The following ANKRD31 variants were observed in gnomAD, a reference collection of about 807,000 sequenced individuals.
ANKRD31 encodes ankyrin repeat domain-containing protein 31.
Under a neutral mutation model 186.0 loss-of-function variants are expected in ANKRD31, and 147 were observed. That is an observed-to-expected ratio of 0.79 (90% CI 0.69 to 0.91). The LOEUF is 0.91. ANKRD31 is among the 40% of genes least tolerant of loss of function. The pLI, the probability that ANKRD31 is intolerant of heterozygous loss-of-function variation, is 0.00. For synonymous variants in ANKRD31, 673 were observed against 736.4 expected (o/e 0.91, Z 1.39); for missense variants, 1,986 against 2,148.8 (o/e 0.92, Z 1.50).
At chr5:75,208,636 C>A (rs1444261629) in intron 4 of ANKRD31, among the ~76,000 whole-genome samples, 5 of 152,326 alleles carry the variant, frequency 3.3e-5, no homozygotes, top group Non-Finnish European at 7.4e-5. Context: ...TATGTCCAGA[C>A]AAATTCTTTA....
At chr5:75,154,674 A>C (rs1249505131) in intron 11 of ANKRD31, among the ~76,000 whole-genome samples, 1 of 152,136 alleles carries the variant, frequency 6.6e-6, no homozygotes, top group Non-Finnish European at 1.5e-5. Flanking sequence ...GGCAGGAGGC[A>C]AGAAAGGCTG....
rs2150143529 is a variant in ANKRD31, at chr5:75,146,077, C to G, written c.3334G>C (p.Asp1112His). Residue 1112 changes from aspartate (D) to histidine (H), a missense_variant, in exon 14 of 26, where the codon GAT becomes CAT. Physicochemically the swap from Asp to His is moderately conservative, Grantham distance 81 (BLOSUM62 -1). Coordinates refer to ENST00000506364, the MANE Select transcript of ANKRD31 (RefSeq NM_001372053.1). ...CTCATATTGTCAGTGGAATGAGAAT[C>G]TATATTGTGTATAGTCTCACTTTCT... ...HLESETIHNI[D>H]SHSTDNMSKE... The G allele has an allele frequency of 1.3e-6, 2 of 1,533,262 alleles. No homozygotes were observed. Among genetic ancestry groups the G allele is most frequent in the East Asian group, 2.4e-5 (1 of 40,834 alleles). 95.0% of individuals were successfully genotyped at this position (1,533,262 alleles called of 1,614,324 possible). A position where few individuals can be genotyped will look rare whatever the true frequency, so the allele number is the denominator to read the frequency against.
chr5:75,182,386 G>C (rs549389368), intron 10 of ANKRD31, among the ~76,000 whole-genome samples: 1 of 152,086 alleles, frequency 6.6e-6, no homozygotes, highest in African/African-American at 2.4e-5. Flanking sequence ...TCCTTGTCTA[G>C]ATTTTGCTCA....
rs1263044112 is a variant in ANKRD31 at position 75,068,592 on chromosome 5, T to G, written c.5720A>C (p.Gln1907Pro). The G allele has an allele frequency of 5.9e-6, 9 of 1,526,222 alleles. No homozygotes were observed. The highest frequency in any genetic ancestry group is 7.9e-6 in the Non-Finnish European group (9 of 1,142,320). 94.5% of individuals were successfully genotyped at this position (1,526,222 alleles called of 1,614,324 possible). ...QINEILLISD[Q>P]EFLPCHIMDQ... ...CATTATGTGGCATGGGAGAAATTCT[T>G]GATCACTGATTAATAGTATTTCATT... The change falls in exon 26 of 26, where the codon CAA becomes CCA. Residue 1907 changes from glutamine (Q) to proline (P), a missense_variant. By Grantham distance (76) the Gln-to-Pro change is moderately conservative (BLOSUM62 -1). Coordinates refer to ENST00000506364, the MANE Select transcript of ANKRD31 (RefSeq NM_001372053.1).
chr5:75,125,300 A>T (rs960631371), intron 17 of ANKRD31, among the ~76,000 whole-genome samples: 52 of 152,052 alleles, frequency 3.4e-4, no homozygotes, highest in Non-Finnish European at 5.1e-4. Flanking sequence ...AAAATATTTT[A>T]TTTTTCTATT....
At chr5:75,098,370 C>T (rs1226253552) in intron 22 of ANKRD31, among the ~76,000 whole-genome samples, 1 of 152,122 alleles carries the variant, frequency 6.6e-6, no homozygotes, top group South Asian at 2.1e-4. Context: ...AGCGTGATGC[C>T]TCCAGCTTTG....
intron 22 of ANKRD31, among the ~76,000 whole-genome samples, chr5:75,102,544 G>A (rs2150053180): frequency 6.6e-6 from 1 of 152,350 alleles, no homozygotes; most frequent in South Asian, 2.1e-4. Flanking sequence ...AGTCTACAGA[G>A]GCATGAAGGC....
intron 3 of ANKRD31, among the ~76,000 whole-genome samples, chr5:75,214,477 C>T (rs953154563): frequency 6.6e-6 from 1 of 152,172 alleles, no homozygotes. Context: ...AGTAGCCCAG[C>T]AATTTATTAC....
At chr5:75,217,349 A>G (rs1267551450) in intron 3 of ANKRD31, among the ~76,000 whole-genome samples, 1 of 152,144 alleles carries the variant, frequency 6.6e-6, no homozygotes, top group Non-Finnish European at 1.5e-5. Flanking sequence ...ATGGTGTGGG[A>G]GTCCAAGTCT....
chr5:75,136,322 A>T (rs1750570973), intron 17 of ANKRD31, among the ~76,000 whole-genome samples: 1 of 152,224 alleles, frequency 6.6e-6, no homozygotes, highest in South Asian at 2.1e-4. Flanking sequence ...TACAAGAAAA[A>T]ATCAAACAAC....
intron 18 of ANKRD31, among the ~76,000 whole-genome samples, chr5:75,116,976 G>A (rs1219179336): frequency 6.6e-6 from 1 of 152,156 alleles, no homozygotes; most frequent in Non-Finnish European, 1.5e-5. Context: ...GAGGCTTAGA[G>A]GGGTTCAAGA....
chr5:75,081,299 G>A (rs557503948), intron 24 of ANKRD31, among the ~76,000 whole-genome samples: 145 of 151,738 alleles, frequency 9.6e-4, no homozygotes, highest in African/African-American at 3.1e-3. Flanking sequence ...ACAGAGCTTC[G>A]CTCTTGTCAC....
intron 25 of ANKRD31, among the ~76,000 whole-genome samples, chr5:75,077,842 A>G (rs931733951): frequency 4.0e-5 from 6 of 149,550 alleles, no homozygotes; most frequent in Non-Finnish European, 8.9e-5. Flanking sequence ...GGAGAGTGGC[A>G]TGAACCCGGG....
At chr5:75,078,139 TA>T (rs932165942) in intron 25 of ANKRD31, among the ~76,000 whole-genome samples, 2 of 151,974 alleles carry the variant, frequency 1.3e-5, no homozygotes, top group African/African-American at 4.8e-5. Flanking sequence ...AAATTAAGAT[TA>T]AAAAAATGAA....
intron 23 of ANKRD31, among the ~76,000 whole-genome samples, chr5:75,088,366 T>C (rs1745662596): frequency 6.6e-6 from 1 of 152,238 alleles, no homozygotes; most frequent in South Asian, 2.1e-4. Flanking sequence ...GAGATCTGTC[T>C]AGTGTTCCTT....
chr5:75,101,732 T>G (rs1235328432), intron 22 of ANKRD31, among the ~76,000 whole-genome samples: 2 of 152,218 alleles, frequency 1.3e-5, no homozygotes, highest in East Asian at 3.8e-4. Flanking sequence ...TACTGAAGCT[T>G]GTGCATGCGT....
At chr5:75,084,991 G>T (rs1443860521) in intron 23 of ANKRD31, among the ~76,000 whole-genome samples, 1 of 152,156 alleles carries the variant, frequency 6.6e-6, no homozygotes, top group Non-Finnish European at 1.5e-5. Context: ...AATTCTGCCA[G>T]AAATGTTCTG....
Position 75,137,884 on chromosome 5 carries a change from T to C in ANKRD31, c.3848A>G (p.His1283Arg). 2 of 1,531,766 alleles carry C rather than the reference T, an allele frequency of 1.3e-6. No homozygotes were observed. Among genetic ancestry groups the C allele is most frequent in the East Asian group, 2.5e-5 (1 of 40,758 alleles). The allele number at this position is 1,531,766 out of a possible 1,614,324, so 94.9% of individuals were successfully genotyped here. ...TAAATGATTGTTTGCAACAGCATCA[T>C]GTAAGGGCAGAATTCCATCTATATT... ...CENIDGILPL[H>R]DAVANNHLKA... Residue 1283 changes from histidine (H) to arginine (R), a missense_variant, in exon 17 of 26, where the codon CAT becomes CGT. Coordinates refer to ENST00000506364, the MANE Select transcript of ANKRD31 (RefSeq NM_001372053.1).
intron 17 of ANKRD31, among the ~76,000 whole-genome samples, chr5:75,126,618 A>G (rs368237407): frequency 1.3e-5 from 2 of 152,332 alleles, no homozygotes; most frequent in East Asian, 1.9e-4. Context: ...GGGGTGGTCC[A>G]ATACTTTGTA....
Sources: allele counts gnomAD v4.1 joint callset (sites outside exome capture counted in the v4.1 genomes callset), GRCh38; gene constraint gnomAD v4.1.1; transcripts MANE v1.5; gene names NCBI Gene and HGNC (gene_info 2026-07-23, HGNC 2026-07-21).